Variants in ARHGAP12 observed in about 807,000 individuals in gnomAD.
ARHGAP12 encodes the protein rho GTPase-activating protein 12.
ARHGAP12 carries 64 observed loss-of-function variants against 108.6 expected under a neutral mutation model. The observed-to-expected ratio is 0.59, with a 90% CI of 0.48 to 0.73. The LOEUF (loss-of-function observed/expected upper bound fraction) is 0.73, where lower values mean the gene tolerates loss of function less well. ARHGAP12 is among the 30% of genes least tolerant of loss of function. ARHGAP12 has a pLI of 0.00. For synonymous variants in ARHGAP12, 312 were observed against 337.2 expected (o/e 0.93, Z 0.82); for missense variants, 940 against 1,005.9 (o/e 0.93, Z 0.89).
At chr10:31,810,401 T>G (rs982101969) in intron 16 of ARHGAP12, among the ~76,000 whole-genome samples, 1 of 152,174 alleles carries the variant, frequency 6.6e-6, no homozygotes, top group Non-Finnish European at 1.5e-5. Flanking sequence ...TGAAATGGCA[T>G]CAAAGAATAG....
chr10:31,877,961 G>T (rs893842666), intron 3 of ARHGAP12, among the ~76,000 whole-genome samples: 1 of 152,120 alleles, frequency 6.6e-6, no homozygotes, highest in African/African-American at 2.4e-5. Flanking sequence ...ACACATGCCT[G>T]TATTTCCAAC....
intron 8 of ARHGAP12, 49 bp downstream of exon 8, chr10:31,839,588 G>C (rs748323451): frequency 8.8e-6 from 13 of 1,471,092 alleles, no homozygotes; most frequent in Non-Finnish European, 1.2e-5. Flanking sequence ...TGCTAAAATT[G>C]ATTGAAATAA....
Position 31,852,532 on chromosome 10 carries a change from T to C in ARHGAP12, c.1155A>G (p.Glu385=), listed in dbSNP as rs2799021. Residue 385 remains glutamate, a synonymous_variant, in exon 6 of 20, where the codon GAA becomes GAG. Transcript: ENST00000344936. Reference sequence around the variant, plus strand: ...GGTTTATTACCTTTGGCAATTCCCATTCTGACCGAGATCCGTCTGCACTGT... The same window carrying C: ...GGTTTATTACCTTTGGCAATTCCCACTCTGACCGAGATCCGTCTGCACTGT... The part of the protein sequence containing the change: ...YYYSADGSRS[E]WELPKYNASS... 342,662 of 1,609,470 alleles carry C rather than the reference T, an allele frequency of 0.21. 38,290 individuals are homozygous for C. Among genetic ancestry groups the C allele is most frequent in the East Asian group, 0.35 (15,711 of 44,770 alleles).
rs187893253 is a variant in ARHGAP12, at chr10:31,833,558, C to T, written c.1387-1758G>A. ...AGGTCCAGAACTTTCACCAAATGGT[C>T]ACAGGGATCAAGACCCAAGTACTAA... On this transcript the variant is annotated intron_variant, in intron 9 of 19. Transcript: ENST00000344936. Among the ~76,000 whole-genome samples, 11 of 152,320 alleles carry T rather than the reference C, an allele frequency of 7.2e-5. No homozygotes were observed. The East Asian group carries it at 2.1e-3, about 29-fold the overall frequency.
intron 5 of ARHGAP12, among the ~76,000 whole-genome samples, chr10:31,853,120 GCTCT>G (rs1169857784): frequency 6.6e-6 from 1 of 152,056 alleles, no homozygotes; most frequent in Non-Finnish European, 1.5e-5. Flanking sequence ...GGCTTTATTT[GCTCT>G]CTCTATCCTC....
chr10:31,836,607 G>T (rs1241681758), intron 9 of ARHGAP12, among the ~76,000 whole-genome samples: 1 of 152,118 alleles, frequency 6.6e-6, no homozygotes, highest in Non-Finnish European at 1.5e-5. Flanking sequence ...AATGATGATG[G>T]TATCATTTCC....
chr10:31,847,234 T>C lies in ARHGAP12; in HGVS notation c.1171-3648A>G, dbSNP rs182307642. ...TGTGTCACCAACCTACTGATTGTCT[T>C]TTCTCATTCAAGTTCAGATTTTCCT... On this transcript the variant is annotated intron_variant, in intron 6 of 19. Transcript: ENST00000344936. Among the ~76,000 whole-genome samples, 379 of 152,312 alleles carry C rather than the reference T, an allele frequency of 2.5e-3. 1 individual carries two copies. The highest frequency in any genetic ancestry group is 4.0e-3 in the Non-Finnish European group (275 of 68,018).
At chr10:31,920,253 C>T (rs1303966644) in intron 1 of ARHGAP12, among the ~76,000 whole-genome samples, 1 of 151,020 alleles carries the variant, frequency 6.6e-6, no homozygotes, top group Non-Finnish European at 1.5e-5. Flanking sequence ...CAGTTCCAGA[C>T]CAGCCTGACC....
At chr10:31,861,277 A>C in intron 4 of ARHGAP12, 118 bp downstream of exon 4, 47 of 1,190,712 alleles carry the variant, frequency 3.9e-5, no homozygotes, top group Non-Finnish European at 4.9e-5. Context: ...TAATGATCTT[A>C]GAGATCACGT....
At chr10:31,924,919 T>C (rs111470841) in intron 1 of ARHGAP12, among the ~76,000 whole-genome samples, 228 of 152,252 alleles carry the variant, frequency 1.5e-3, no homozygotes, top group Non-Finnish European at 2.6e-3. Context: ...ACAGAGTATC[T>C]ACATTAATCA....
chr10:31,892,266 A>C lies in ARHGAP12; in HGVS notation c.684+15906T>G, dbSNP rs532782461. On this transcript the variant is annotated intron_variant, in intron 3 of 19. Coordinates refer to ENST00000344936, the MANE Select transcript of ARHGAP12 (RefSeq NM_018287.7). ...ATCAAATTCACACATAACAATATTA[A>C]CCTTAAATGTAAATGGGCTAAATGC... 3.3e-3 allele frequency among the ~76,000 whole-genome samples: 503 copies of C among 152,270 alleles called. 5 individuals are homozygous for C. The highest frequency in any genetic ancestry group is 0.011 in the African/African-American group (464 of 41,536).
chr10:31,902,142 A>G lies in ARHGAP12; in HGVS notation c.684+6030T>C, dbSNP rs1838953160. ...TTTATCTGATTTCGATACTTATTGT[A>G]TAGCTATGGTAAATAAGGCTGCATG... On this transcript the variant is annotated intron_variant, in intron 3 of 19. Coordinates refer to ENST00000344936, the MANE Select transcript of ARHGAP12 (RefSeq NM_018287.7). Among the ~76,000 whole-genome samples, 3 of 152,184 alleles carry G rather than the reference A, an allele frequency of 2.0e-5. No homozygotes were observed. In the East Asian group the frequency reaches 5.8e-4, roughly 29 times the overall value.
chr10:31,812,843 T>A lies in ARHGAP12; in HGVS notation c.1835-20A>T. 1 of 1,385,364 alleles carries A rather than the reference T, an allele frequency of 7.2e-7. No individual in the cohort carries two copies. The allele number at this position is 1,385,364 out of a possible 1,614,324, so 85.8% of individuals were successfully genotyped here. A position where few individuals can be genotyped will look rare whatever the true frequency, so the allele number is the denominator to read the frequency against. Reference sequence around the variant, plus strand: ...TAAAGGCTTAAGACAAAAAGACAGGTAATGAGCATTTGTAAAAATAAAGTT... The same window carrying A: ...TAAAGGCTTAAGACAAAAAGACAGGAAATGAGCATTTGTAAAAATAAAGTT... On this transcript the variant is annotated intron_variant, in intron 14 of 19. Transcript: ENST00000344936.
intron 4 of ARHGAP12, among the ~76,000 whole-genome samples, chr10:31,860,972 T>G (rs779538016): frequency 3.3e-5 from 5 of 152,170 alleles, no homozygotes; most frequent in Non-Finnish European, 5.9e-5. Flanking sequence ...GGAGGATCGC[T>G]TAAGCCCAAG....
intron 3 of ARHGAP12, among the ~76,000 whole-genome samples, chr10:31,868,020 C>T (rs1245624100): frequency 1.3e-5 from 2 of 151,796 alleles, no homozygotes; most frequent in East Asian, 1.9e-4. Flanking sequence ...GCCAACATGG[C>T]GAAACCCCAT....
chr10:31,826,362 G>A lies in ARHGAP12; in HGVS notation c.1472C>T (p.Ala491Val), dbSNP rs1198762712. 11 of 1,610,366 alleles carry A rather than the reference G, an allele frequency of 6.8e-6. No homozygotes were observed. Among genetic ancestry groups the A allele is most frequent in the Admixed American group, 1.7e-5 (1 of 59,702 alleles). Residue 491 changes from alanine (A) to valine (V), a missense_variant, in exon 11 of 20, where the codon GCG (alanine) becomes GTG (valine). Transcript: ENST00000344936. ...KVRKNWLSSWAVLQGSSLLFT... is the reference protein window; with the variant it reads ...KVRKNWLSSWVVLQGSSLLFT... ...AAGTAAAGATGAACCCTGCAACACC[G>A]CCCAAGAAGACAACCAGTTCTTTCT...
At chr10:31,870,102 G>A (rs1056829821) in intron 3 of ARHGAP12, among the ~76,000 whole-genome samples, 1 of 152,154 alleles carries the variant, frequency 6.6e-6, no homozygotes, top group African/African-American at 2.4e-5. Flanking sequence ...TTGGTAGCCT[G>A]ACAGTATCAG....
chr10:31,836,006 A>G (rs950274780), intron 9 of ARHGAP12, among the ~76,000 whole-genome samples: 3 of 152,230 alleles, frequency 2.0e-5, no homozygotes, highest in Admixed American at 6.5e-5. Context: ...TTTATGTTAC[A>G]TAAGTTTTAT....
At chr10:31,876,972 A>G (rs937256589) in intron 3 of ARHGAP12, among the ~76,000 whole-genome samples, 1 of 152,168 alleles carries the variant, frequency 6.6e-6, no homozygotes, top group African/African-American at 2.4e-5. Flanking sequence ...CCTAATCCTC[A>G]TCTGAAGACT....
Sources: allele counts gnomAD v4.1 joint callset (sites outside exome capture counted in the v4.1 genomes callset), GRCh38; gene constraint gnomAD v4.1.1; transcripts MANE v1.5; gene names NCBI Gene and HGNC (gene_info 2026-07-23, HGNC 2026-07-21).